Variants in ARHGAP22 observed in about 807,000 individuals in gnomAD.
ARHGAP22 encodes rho GTPase-activating protein 22.
In ARHGAP22, 48 loss-of-function variants were observed where a neutral mutation model predicts 59.1. The observed-to-expected ratio is 0.81, with a 90% CI of 0.64 to 1.03. ARHGAP22 has a LOEUF of 1.03. ARHGAP22 is among the 50% of genes least tolerant of loss of function. The pLI, the probability that ARHGAP22 is intolerant of heterozygous loss-of-function variation, is 0.00. For missense variants in ARHGAP22, 1,015 were observed against 958.7 expected (o/e 1.06, Z -0.78); for synonymous variants, 445 against 416.4 (o/e 1.07, Z -0.84).
At position 48,600,263 on chromosome 10, in the gene ARHGAP22, G is replaced by C. The variant is rs182748392; in HGVS notation, c.34+4500C>G. On this transcript the variant is annotated intron_variant, in intron 1 of 9. Transcript: ENST00000249601. The stretch of plus-strand genomic sequence containing the variant: ...TTGTGGCCTTTAATGTATTAACAGT[G>C]GAAAGTCATATCCTTGATTGCATTT... Among the ~76,000 whole-genome samples the C allele has an allele frequency of 8.7e-4, 133 of 152,244 alleles. 3 individuals are homozygous for C. Among genetic ancestry groups the C allele is most frequent in the African/African-American group, 2.3e-3 (94 of 41,548 alleles).
intron 4 of ARHGAP22, among the ~76,000 whole-genome samples, chr10:48,478,713 C>T (rs534183299): frequency 1.3e-5 from 2 of 152,294 alleles, no homozygotes; most frequent in South Asian, 2.1e-4. Flanking sequence ...CTAGAGATAG[C>T]GACTGCACGG....
chr10:48,600,051 A>G (rs1239656713), intron 1 of ARHGAP22, among the ~76,000 whole-genome samples: 1 of 152,102 alleles, frequency 6.6e-6, no homozygotes, highest in Non-Finnish European at 1.5e-5. Flanking sequence ...TAGTGGTGCA[A>G]TTTTGAGCAT....
intron 1 of ARHGAP22, among the ~76,000 whole-genome samples, chr10:48,617,220 T>C (rs2061114851): frequency 6.6e-6 from 1 of 152,020 alleles, no homozygotes; most frequent in African/African-American, 2.4e-5. Context: ...TTATTAAAGC[T>C]AAAGAGAGAG....
intron 3 of ARHGAP22, among the ~76,000 whole-genome samples, chr10:48,516,253 A>C (rs1039943766): frequency 2.0e-5 from 3 of 152,208 alleles, no homozygotes; most frequent in Non-Finnish European, 2.9e-5. Flanking sequence ...GGCCAGGTAC[A>C]GTGGCTCATG....
At chr10:48,519,809 G>C (rs754526113) in intron 3 of ARHGAP22, among the ~76,000 whole-genome samples, 1 of 152,198 alleles carries the variant, frequency 6.6e-6, no homozygotes, top group Non-Finnish European at 1.5e-5. Context: ...AGCCTGGGAG[G>C]GGGAGGGGGG....
rs562540136 is a variant in ARHGAP22 at position 48,450,933 on chromosome 10, G to A, written c.1196C>T (p.Ala399Val). 5.7e-6 allele frequency: 9 copies of A among 1,587,950 alleles called. No homozygotes were observed. The highest frequency in any genetic ancestry group is 1.1e-5 in the South Asian group (1 of 87,316). The change falls in exon 9 of 10, where the codon GCG (alanine) becomes GTG (valine). Residue 399 changes from alanine (A) to valine (V), a missense_variant. Ala to Val is a moderately conservative substitution (Grantham distance 64, BLOSUM62 0). Transcript: ENST00000249601. ...PAHRTSSLDG[A>V]AVAVLSRTAP... is the part of the protein sequence containing the mutation. ...TGTTCTGGAGAGCACCGCCACGGCC[G>A]CCCCGTCCAGGGAAGAGGTCCTGTG...
upstream of ARHGAP22, among the ~76,000 whole-genome samples, chr10:48,655,141 A>C (rs1440243738): frequency 1.6e-5 from 1 of 64,034 alleles, no homozygotes; most frequent in African/African-American, 6.5e-5. Flanking sequence ...TCGGTGACTC[A>C]ATCTCCTTCC....
At chr10:48,626,367 G>A (rs1220642797) in intron 1 of ARHGAP22, among the ~76,000 whole-genome samples, 1 of 152,150 alleles carries the variant, frequency 6.6e-6, no homozygotes, top group Admixed American at 6.5e-5. Flanking sequence ...TCAGGACCAA[G>A]GACATCTACC....
intron 4 of ARHGAP22, among the ~76,000 whole-genome samples, chr10:48,475,601 C>T (rs144422919): frequency 6.6e-6 from 1 of 152,348 alleles, no homozygotes; most frequent in Non-Finnish European, 1.5e-5. Context: ...CATTCATTCT[C>T]ATACACCTCT....
downstream of ARHGAP22, chr10:48,444,715 C>T (rs2045283839): frequency 6.6e-6 from 1 of 152,238 alleles, no homozygotes. Flanking sequence ...GAAAACTCAA[C>T]AGGGTCATCA....
chr10:48,594,374 C>T (rs2059941362), intron 1 of ARHGAP22, among the ~76,000 whole-genome samples: 1 of 152,244 alleles, frequency 6.6e-6, no homozygotes, highest in Admixed American at 6.5e-5. Flanking sequence ...CTCCTCCACC[C>T]CGTCTCTCTC....
chr10:48,574,691 C>A (rs2058600628), intron 2 of ARHGAP22: 1 of 152,182 alleles, frequency 6.6e-6, no homozygotes, highest in Admixed American at 6.5e-5. Flanking sequence ...TAGAGCCAGC[C>A]AAAGGTGTGA....
chr10:48,574,331 T>A (rs771752782), intron 2 of ARHGAP22, among the ~76,000 whole-genome samples: 32 of 152,152 alleles, frequency 2.1e-4, no homozygotes, highest in Non-Finnish European at 4.3e-4. Context: ...AAAAGAGAAA[T>A]AATAAGACAG....
intron 3 of ARHGAP22, among the ~76,000 whole-genome samples, chr10:48,545,822 C>G (rs1179989333): frequency 6.6e-6 from 1 of 152,200 alleles, no homozygotes; most frequent in Non-Finnish European, 1.5e-5. Context: ...CCTTGTGTAG[C>G]CATAAGACGG....
intron 3 of ARHGAP22, among the ~76,000 whole-genome samples, chr10:48,514,054 T>C (rs2053055872): frequency 6.6e-6 from 1 of 151,830 alleles, no homozygotes; most frequent in Admixed American, 6.6e-5. Flanking sequence ...TTTGAGCTTA[T>C]AGAAGAAAAA....
chr10:48,448,372 A>AAT (rs1392026919), intron 9 of ARHGAP22, among the ~76,000 whole-genome samples: 1 of 152,184 alleles, frequency 6.6e-6, no homozygotes, highest in Non-Finnish European at 1.5e-5. Flanking sequence ...TATTTTTAAA[A>AAT]ATGTATCGTG....
In ARHGAP22 at chr10:48,652,273, C is replaced by G. The variant is rs186791751; in HGVS notation, c.13G>C (p.Ala5Pro). 1.2e-3 allele frequency: 1,914 copies of G among 1,535,698 alleles called. 3 individuals are homozygous for G. The highest frequency in any genetic ancestry group is 1.6e-3 in the Non-Finnish European group (1,845 of 1,146,888). The change falls in exon 1 of 10, where the codon GCT (alanine) becomes CCT (proline). Residue 5 changes from alanine (A) to proline (P), a missense_variant. Transcript: ENST00000435790. ...GCAAACGTCCTCCTTTTGCTGGAAG[C>G]TGTCGGCAGCATAATGAAGCTGGCA...
At chr10:48,605,173 C>A, upstream of ARHGAP22, 2 of 1,129,062 alleles carry the variant, frequency 1.8e-6, no homozygotes, top group Non-Finnish European at 2.2e-6. Context: ...CGGGGCCAGC[C>A]AGAGACGCGG....
At chr10:48,564,707 G>A (rs553881982) in intron 2 of ARHGAP22, among the ~76,000 whole-genome samples, 7 of 152,324 alleles carry the variant, frequency 4.6e-5, no homozygotes, top group African/African-American at 1.4e-4. Context: ...AGCCCAGAAT[G>A]CCCATCCATC....
Sources: allele counts gnomAD v4.1 joint callset (sites outside exome capture counted in the v4.1 genomes callset), GRCh38; gene constraint gnomAD v4.1.1; transcripts MANE v1.5; gene names NCBI Gene and HGNC (gene_info 2026-07-23, HGNC 2026-07-21).